The following RAC1 variants were observed in gnomAD, a reference collection of about 807,000 sequenced individuals.
RAC1 encodes the protein ras-related C3 botulinum toxin substrate 1.
Under a neutral mutation model 25.2 loss-of-function variants are expected in RAC1, and 2 were observed. The ratio of observed to expected loss-of-function variants is 0.08; its 90% CI spans 0.03 to 0.25. The LOEUF is 0.25. Among genes scored for constraint, RAC1 ranks in the 10% least tolerant of loss-of-function variants. The pLI, the probability that RAC1 is intolerant of heterozygous loss-of-function variation, is 1.00. For missense variants in RAC1, 50 were observed against 235.7 expected (o/e 0.21, Z 5.16); for synonymous variants, 88 against 94.0 (o/e 0.94, Z 0.37).
At chr7:6,378,616 C>A (rs553707359) in intron 1 of RAC1, among the ~76,000 whole-genome samples, 6 of 152,002 alleles carry the variant, frequency 3.9e-5, no homozygotes, top group Non-Finnish European at 7.4e-5. Context: ...TCCTGAATAG[C>A]AATTTAATTG....
At chr7:6,380,342 GT>G (rs1209751907) in intron 1 of RAC1, among the ~76,000 whole-genome samples, 7 of 150,892 alleles carry the variant, frequency 4.6e-5, no homozygotes, top group South Asian at 4.2e-4. Flanking sequence ...ACATAATGTG[GT>G]TTTTTTTCTT....
chr7:6,400,857 T>G (rs577573128), intron 4 of RAC1, among the ~76,000 whole-genome samples: 1 of 152,126 alleles, frequency 6.6e-6, no homozygotes, highest in East Asian at 1.9e-4. Context: ...GTATTTTTAG[T>G]AGAAATGTGG....
At chr7:6,380,734 C>A (rs1387313198) in intron 1 of RAC1, among the ~76,000 whole-genome samples, 1 of 152,166 alleles carries the variant, frequency 6.6e-6, no homozygotes, top group Non-Finnish European at 1.5e-5. Flanking sequence ...CATGCACATA[C>A]CCATGGCCTG....
At chr7:6,382,630 G>A (rs1036738490) in intron 1 of RAC1, among the ~76,000 whole-genome samples, 14 of 152,222 alleles carry the variant, frequency 9.2e-5, no homozygotes, top group Admixed American at 6.5e-5. Context: ...TTGGGAGGCC[G>A]ATGGGGTGGA....
chr7:6,376,612 G>A (rs529952410), intron 1 of RAC1, among the ~76,000 whole-genome samples: 12 of 142,636 alleles, frequency 8.4e-5, no homozygotes, highest in African/African-American at 3.2e-4. Context: ...AGCGATTCTC[G>A]TGCCTTAGTC....
intron 1 of RAC1, among the ~76,000 whole-genome samples, chr7:6,385,015 C>T (rs1265171675): frequency 6.7e-6 from 1 of 149,236 alleles, no homozygotes; most frequent in African/African-American, 2.5e-5. Flanking sequence ...CATGTTGGCC[C>T]AGCTGGTCTT....
At chr7:6,393,760 T>G (rs761564592) in intron 3 of RAC1, among the ~76,000 whole-genome samples, 1 of 152,124 alleles carries the variant, frequency 6.6e-6, no homozygotes, top group Non-Finnish European at 1.5e-5. Context: ...ATAAACTGTG[T>G]AAGACACCCT....
intron 2 of RAC1, among the ~76,000 whole-genome samples, chr7:6,388,918 C>A (rs955336285): frequency 6.6e-6 from 1 of 151,990 alleles, no homozygotes; most frequent in Non-Finnish European, 1.5e-5. Flanking sequence ...TTGGTAGATA[C>A]AGCTGGGCGT....
At chr7:6,396,301 A>G (rs11975705) in intron 3 of RAC1, among the ~76,000 whole-genome samples, 3,503 of 152,244 alleles carry the variant, frequency 0.023, 143 homozygotes, top group African/African-American at 0.08. Context: ...CCTCCCAGCC[A>G]GGGTCAGCCA....
chr7:6,392,193 T>C, intron 3 of RAC1, 152 bp downstream of exon 3: 11 of 1,345,474 alleles, frequency 8.2e-6, no homozygotes, highest in Non-Finnish European at 1.1e-5. Context: ...CATGTAAACA[T>C]CCCCCTAGAT....
intron 1 of RAC1, among the ~76,000 whole-genome samples, chr7:6,376,156 G>C (rs1562459491): frequency 7.5e-6 from 1 of 133,088 alleles, no homozygotes; most frequent in Non-Finnish European, 1.6e-5. Flanking sequence ...AGGAGTATTA[G>C]AGTATGTAGG....
intron 3 of RAC1, among the ~76,000 whole-genome samples, chr7:6,396,949 T>C (rs1003555339): frequency 2.0e-5 from 3 of 148,018 alleles, no homozygotes; most frequent in African/African-American, 7.5e-5. Context: ...GAGAATGGTG[T>C]GAACCTGGGA....
chr7:6,375,334 C>G (rs1049237885), intron 1 of RAC1, among the ~76,000 whole-genome samples: 3 of 152,074 alleles, frequency 2.0e-5, no homozygotes, highest in African/African-American at 7.2e-5. Context: ...AAGCAATCCT[C>G]CCATCCCAGC....
At chr7:6,401,765 T>G (rs1583271379) in intron 4 of RAC1, 103 bp from the exon 5 acceptor site, 1 of 1,281,606 alleles carries the variant, frequency 7.8e-7, no homozygotes, top group East Asian at 2.4e-5. Flanking sequence ...AGGCCTTGCC[T>G]GAGGTTAGGT....
chr7:6,378,997 G>T (rs1782686463), intron 1 of RAC1, among the ~76,000 whole-genome samples: 1 of 151,938 alleles, frequency 6.6e-6, no homozygotes, highest in Non-Finnish European at 1.5e-5. Context: ...GGCTGAGGCA[G>T]GGGAATTGTT....
At chr7:6,399,854 G>T in intron 3 of RAC1, 4 of 469,224 alleles carry the variant, frequency 8.5e-6, no homozygotes, top group Admixed American at 3.8e-5. Context: ...CCTCCTGAGG[G>T]TCTGGTCTGA....
At chr7:6,381,277 C>T (rs1324114871) in intron 1 of RAC1, among the ~76,000 whole-genome samples, 7 of 152,124 alleles carry the variant, frequency 4.6e-5, no homozygotes, top group Non-Finnish European at 1.5e-5. Flanking sequence ...AGCCTTGATT[C>T]TGGAAGGGTG....
chr7:6,392,079 G>GTA, intron 3 of RAC1, 38 bp downstream of exon 3: 1 of 1,612,078 alleles, frequency 6.2e-7, no homozygotes, highest in East Asian at 2.2e-5. Context: ...GTCTTTTAGA[G>GTA]TATATAATTC....
chr7:6,377,508 C>T (rs1383142554), intron 1 of RAC1, among the ~76,000 whole-genome samples: 2 of 152,108 alleles, frequency 1.3e-5, no homozygotes, highest in Admixed American at 6.6e-5. Flanking sequence ...GTGGGAGGAT[C>T]GCTTGAAACC....
Sources: gnomAD v4.1 joint callset for allele counts (sites outside exome capture counted in the v4.1 genomes callset) on GRCh38, gnomAD v4.1.1 for gene constraint, MANE v1.5 for transcripts, NCBI Gene and HGNC (gene_info 2026-07-23, HGNC 2026-07-21) for gene names.